NCOA7: variants seen among roughly 807,000 people sequenced by gnomAD.
The protein encoded by NCOA7 is 140 kDa estrogen receptor-associated protein.
In NCOA7, 45 loss-of-function variants were observed where a neutral mutation model predicts 104.3. The ratio of observed to expected loss-of-function variants is 0.43; its 90% CI spans 0.34 to 0.55. The LOEUF is 0.55. NCOA7 is among the 20% of genes least tolerant of loss of function. The pLI is 0.02. For missense variants in NCOA7, 1,041 were observed against 1,119.7 expected (o/e 0.93, Z 1.00); for synonymous variants, 398 against 402.3 (o/e 0.99, Z 0.13).
At chr6:125,813,058 T>C (rs1777198209) in intron 1 of NCOA7, among the ~76,000 whole-genome samples, 1 of 152,186 alleles carries the variant, frequency 6.6e-6, no homozygotes, top group African/African-American at 2.4e-5. Flanking sequence ...CTCACGTCAA[T>C]CCTCTACCTC....
intron 1 of NCOA7, chr6:125,781,521 A>G (rs918916933): frequency 3.3e-5 from 5 of 152,248 alleles, no homozygotes; most frequent in African/African-American, 1.2e-4. Flanking sequence ...AAAAATCATC[A>G]GAAGAAATTT....
At chr6:125,825,751 G>A (rs1166474654) in intron 2 of NCOA7, among the ~76,000 whole-genome samples, 1 of 152,070 alleles carries the variant, frequency 6.6e-6, no homozygotes, top group African/African-American at 2.4e-5. Context: ...TGTCTTTTAA[G>A]GGGGATGGGC....
At chr6:125,913,083 GT>G (rs1221464169) in intron 10 of NCOA7, among the ~76,000 whole-genome samples, 1 of 152,078 alleles carries the variant, frequency 6.6e-6, no homozygotes, top group African/African-American at 2.4e-5. Flanking sequence ...ATTTGGATCT[GT>G]TTCTTTTATA....
At chr6:125,911,473 T>C (rs1158196175) in intron 10 of NCOA7, among the ~76,000 whole-genome samples, 1 of 152,248 alleles carries the variant, frequency 6.6e-6, no homozygotes, top group African/African-American at 2.4e-5. Context: ...AGCCCTTTAT[T>C]GCCAGTCGGT....
rs538342102 is a variant in NCOA7, at chr6:125,928,532, T to A, written c.2694-104T>A. 1.5e-5 allele frequency: 19 copies of A among 1,274,050 alleles called. 1 individual carries two copies. In the South Asian group the frequency reaches 2.7e-4, roughly 18 times the overall value. The allele number at this position is 1,274,050 out of a possible 1,614,324, so 78.9% of individuals were successfully genotyped here. A position where few individuals can be genotyped will look rare whatever the true frequency, so the allele number is the denominator to read the frequency against. ...TGGTTTTATAAGCAGTTTAGAATTT[T>A]GCCTGTCAGTAGTATAAAGGAAAGA... On this transcript the variant is annotated intron_variant, in intron 15 of 15. Coordinates refer to ENST00000392477, the MANE Select transcript of NCOA7 (RefSeq NM_181782.5).
chr6:125,867,202 G>A (rs1452373100), intron 3 of NCOA7, among the ~76,000 whole-genome samples: 1 of 152,146 alleles, frequency 6.6e-6, no homozygotes. Flanking sequence ...GGCCACCTTA[G>A]TGAACAACTT....
At chr6:125,917,531 A>G (rs1787190425) in intron 11 of NCOA7, among the ~76,000 whole-genome samples, 1 of 152,152 alleles carries the variant, frequency 6.6e-6, no homozygotes, top group South Asian at 2.1e-4. Flanking sequence ...ACCTCCTTTG[A>G]GTGTCTGCTG....
chr6:125,795,202 A>C (rs1775205224), intron 1 of NCOA7, among the ~76,000 whole-genome samples: 1 of 152,226 alleles, frequency 6.6e-6, no homozygotes, highest in Non-Finnish European at 1.5e-5. Context: ...TCATTGGTAC[A>C]GTCTGGTAGC....
intron 2 of NCOA7, among the ~76,000 whole-genome samples, chr6:125,820,656 C>T (rs1778096556): frequency 6.6e-6 from 1 of 151,920 alleles, no homozygotes; most frequent in South Asian, 2.1e-4. Flanking sequence ...AGTACTCACA[C>T]ATTCCTTTAA....
intron 2 of NCOA7, among the ~76,000 whole-genome samples, chr6:125,854,005 A>G (rs772773585): frequency 2.2e-4 from 34 of 152,106 alleles, no homozygotes; most frequent in Non-Finnish European, 3.8e-4. Flanking sequence ...TTCTACCCAA[A>G]CAGGTCCTTA....
chr6:125,907,365 C>T (rs1381151212), intron 10 of NCOA7, among the ~76,000 whole-genome samples: 2 of 144,024 alleles, frequency 1.4e-5, no homozygotes, highest in Non-Finnish European at 3.1e-5. Flanking sequence ...ACCACCTGAG[C>T]GATGGGGGAA....
chr6:125,806,062 C>A (rs1354568799), intron 1 of NCOA7, among the ~76,000 whole-genome samples: 1 of 151,944 alleles, frequency 6.6e-6, no homozygotes, highest in Non-Finnish European at 1.5e-5. Context: ...ACCTTTCAGC[C>A]GGGCACAATG....
At chr6:125,799,916 C>A (rs1775730097) in intron 1 of NCOA7, among the ~76,000 whole-genome samples, 1 of 152,134 alleles carries the variant, frequency 6.6e-6, no homozygotes, top group Non-Finnish European at 1.5e-5. Flanking sequence ...CTTTGCTCAT[C>A]CTTCTATTTT....
intron 3 of NCOA7, among the ~76,000 whole-genome samples, chr6:125,872,351 C>T (rs1423730840): frequency 3.9e-5 from 6 of 152,134 alleles, no homozygotes; most frequent in African/African-American, 9.7e-5. Context: ...CTAGCTACAG[C>T]TTATGGAAGG....
At chr6:125,836,661 A>G (rs772764176) in intron 2 of NCOA7, among the ~76,000 whole-genome samples, 8 of 152,340 alleles carry the variant, frequency 5.3e-5, no homozygotes, top group Non-Finnish European at 8.8e-5. Flanking sequence ...TATTATTCCA[A>G]CATTACAAAT....
intron 1 of NCOA7, among the ~76,000 whole-genome samples, chr6:125,792,494 A>T (rs538878785): frequency 6.6e-6 from 1 of 152,230 alleles, no homozygotes; most frequent in Admixed American, 6.5e-5. Flanking sequence ...GCCAGAGGAA[A>T]CAATGATTTG....
chr6:125,784,905 AG>A (rs1774386735), intron 1 of NCOA7, among the ~76,000 whole-genome samples: 1 of 152,158 alleles, frequency 6.6e-6, no homozygotes, highest in African/African-American at 2.4e-5. Flanking sequence ...ATGATTCTAA[AG>A]GAGTAGCTTA....
chr6:125,820,796 A>G (rs761871399), intron 2 of NCOA7, among the ~76,000 whole-genome samples: 1 of 152,206 alleles, frequency 6.6e-6, no homozygotes, highest in Admixed American at 6.5e-5. Context: ...ACTTAACGAC[A>G]ATCCAAATTG....
intron 2 of NCOA7, among the ~76,000 whole-genome samples, chr6:125,823,214 C>T (rs551609778): frequency 2.0e-5 from 3 of 152,148 alleles, no homozygotes; most frequent in African/African-American, 4.8e-5. Flanking sequence ...ACTCTCCAAT[C>T]GTTCATTATT....
Sources: allele counts gnomAD v4.1 joint callset (sites outside exome capture counted in the v4.1 genomes callset), GRCh38; gene constraint gnomAD v4.1.1; transcripts MANE v1.5; gene names NCBI Gene and HGNC (gene_info 2026-07-23, HGNC 2026-07-21).